Variants in TSPAN15 observed in about 807,000 individuals in gnomAD.
TSPAN15 encodes tetraspanin 15, also known as tetraspanin-15.
Under a neutral mutation model 34.5 loss-of-function variants are expected in TSPAN15, and 20 were observed. The observed-to-expected ratio is 0.58, with a 90% CI of 0.41 to 0.84. The LOEUF is 0.84. TSPAN15 is among the 40% of genes least tolerant of loss of function. The pLI is 0.00. For synonymous variants in TSPAN15, 155 were observed against 153.9 expected (o/e 1.01, Z -0.05); for missense variants, 313 against 386.1 (o/e 0.81, Z 1.59).
chr10:69,523,274 G>C, the TSPAN15 span: 1 of 344,016 alleles, frequency 2.9e-6, no homozygotes. Flanking sequence ...TCAAAAAATT[G>C]CCCCCAAAAC....
At chr10:69,529,300 G>A in the TSPAN15 span, among the ~76,000 whole-genome samples, 4 of 147,954 alleles carry the variant, frequency 2.7e-5, no homozygotes, top group Admixed American at 1.4e-4. Flanking sequence ...TGGCTCCATG[G>A]AGGTGCAACC....
At chr10:69,456,601 G>C (rs1420308844) in intron 1 of TSPAN15, among the ~76,000 whole-genome samples, 4 of 152,098 alleles carry the variant, frequency 2.6e-5, no homozygotes, top group African/African-American at 9.7e-5. Flanking sequence ...ACAGTACAGG[G>C]AAAACAAAAC....
the TSPAN15 span, among the ~76,000 whole-genome samples, chr10:69,519,569 A>G: frequency 1.3e-5 from 2 of 152,212 alleles, no homozygotes; most frequent in African/African-American, 4.8e-5. Flanking sequence ...GTACAGCTTT[A>G]TTTATTTTCT....
downstream of TSPAN15, among the ~76,000 whole-genome samples, chr10:69,510,341 A>G (rs1024752915): frequency 1.3e-5 from 2 of 152,294 alleles, no homozygotes; most frequent in South Asian, 2.1e-4. Flanking sequence ...CTTTATAGCA[A>G]TTGTGAATGG....
At chr10:69,465,569 A>G (rs73269805) in intron 1 of TSPAN15, among the ~76,000 whole-genome samples, 2,478 of 152,224 alleles carry the variant, frequency 0.016, 67 homozygotes, top group African/African-American at 0.057. Flanking sequence ...GCTGTTTTCT[A>G]GCCATTCTCT....
At chr10:69,532,300 C>T in the TSPAN15 span, among the ~76,000 whole-genome samples, 1 of 152,158 alleles carries the variant, frequency 6.6e-6, no homozygotes, top group Non-Finnish European at 1.5e-5. Flanking sequence ...CCGTAGTCAC[C>T]AAAACAGCAT....
chr10:69,485,731 C>T (rs1479835948), intron 3 of TSPAN15, among the ~76,000 whole-genome samples: 1 of 151,892 alleles, frequency 6.6e-6, no homozygotes, highest in Non-Finnish European at 1.5e-5. Flanking sequence ...GGGGAATGGA[C>T]AGTGAAGAGT....
Position 69,451,576 on chromosome 10 carries a change from C to A in TSPAN15, c.-19C>A. On this transcript the variant is annotated 5_prime_UTR_variant, in exon 1 of 8. Coordinates refer to ENST00000373290, the MANE Select transcript of TSPAN15 (RefSeq NM_012339.5). ...GGAGAGCCCCGGAGCCCCCGTAACC[C>A]GCGCGGGGAGCGCCCAGGATGCCGC... 6.9e-7 allele frequency: 1 copy of A among 1,441,096 alleles called. No homozygotes were observed. Among genetic ancestry groups the A allele is most frequent in the Non-Finnish European group, 9.1e-7 (1 of 1,093,258 alleles). 89.3% of individuals were successfully genotyped at this position (1,441,096 alleles called of 1,614,324 possible).
intron 3 of TSPAN15, chr10:69,494,934 T>A (rs999880407): frequency 2.3e-5 from 21 of 926,284 alleles, no homozygotes; most frequent in Non-Finnish European, 2.7e-5. Context: ...GCAGCGTGAC[T>A]GGGAGAGGGC....
At chr10:69,533,839 C>T in the TSPAN15 span, among the ~76,000 whole-genome samples, 1 of 152,144 alleles carries the variant, frequency 6.6e-6, no homozygotes, top group Non-Finnish European at 1.5e-5. Context: ...TTATCTGATG[C>T]TGTATCAAGG....
the TSPAN15 span, among the ~76,000 whole-genome samples, chr10:69,516,096 A>C: frequency 1.8e-4 from 28 of 152,366 alleles, no homozygotes; most frequent in Non-Finnish European, 3.1e-4. Flanking sequence ...CTGAGGCCGG[A>C]TACTAACGAT....
At chr10:69,530,849 T>C in the TSPAN15 span, among the ~76,000 whole-genome samples, 1 of 119,768 alleles carries the variant, frequency 8.3e-6, no homozygotes, top group Non-Finnish European at 1.7e-5. Context: ...TATATATATA[T>C]ATATATATAT....
At chr10:69,517,975 A>G in the TSPAN15 span, among the ~76,000 whole-genome samples, 1 of 152,236 alleles carries the variant, frequency 6.6e-6, no homozygotes, top group African/African-American at 2.4e-5. Flanking sequence ...CAAGACACAT[A>G]GTAGGTGCTC....
the TSPAN15 span, among the ~76,000 whole-genome samples, chr10:69,513,472 G>T: frequency 6.6e-6 from 1 of 152,090 alleles, no homozygotes; most frequent in Non-Finnish European, 1.5e-5. Flanking sequence ...CTCCTAAAGT[G>T]CTGGGATTAC....
intron 1 of TSPAN15, among the ~76,000 whole-genome samples, chr10:69,460,142 G>A: frequency 6.6e-6 from 1 of 152,062 alleles, no homozygotes; most frequent in African/African-American, 2.4e-5. Context: ...AGAACAGATG[G>A]CTATGGAACC....
At chr10:69,541,035 G>C in the TSPAN15 span, among the ~76,000 whole-genome samples, 1 of 152,190 alleles carries the variant, frequency 6.6e-6, no homozygotes, top group Admixed American at 6.5e-5. Flanking sequence ...GAACAGAGGT[G>C]CCAGGTGAAT....
intron 1 of TSPAN15, among the ~76,000 whole-genome samples, chr10:69,475,542 C>T (rs550940321): frequency 6.6e-6 from 1 of 152,284 alleles, no homozygotes; most frequent in East Asian, 1.9e-4. Flanking sequence ...GCATGCCATC[C>T]CCACTCCCAC....
chr10:69,454,825 A>G (rs1427874964), intron 1 of TSPAN15, among the ~76,000 whole-genome samples: 2 of 152,118 alleles, frequency 1.3e-5, no homozygotes, highest in Non-Finnish European at 2.9e-5. Context: ...TAAAAAATAA[A>G]AAATAAATTA....
intron 3 of TSPAN15, among the ~76,000 whole-genome samples, chr10:69,491,947 T>A (rs1841978103): frequency 6.6e-6 from 1 of 152,194 alleles, no homozygotes; most frequent in African/African-American, 2.4e-5. Context: ...TTAAAAACCC[T>A]GAGAGAGGGG....
Sources: gnomAD v4.1 joint callset for allele counts (sites outside exome capture counted in the v4.1 genomes callset) on GRCh38, gnomAD v4.1.1 for gene constraint, MANE v1.5 for transcripts, NCBI Gene and HGNC (gene_info 2026-07-23, HGNC 2026-07-21) for gene names.